Variants in CDC73 observed in about 807,000 individuals in gnomAD.
The protein encoded by CDC73 is parafibromin.
A neutral mutation model predicts 83.7 loss-of-function variants in CDC73; 21 were observed. That is an observed-to-expected ratio of 0.25 (90% CI 0.18 to 0.36). The LOEUF (loss-of-function observed/expected upper bound fraction) is 0.36. Among genes scored for constraint, CDC73 ranks in the 10% least tolerant of loss-of-function variants. The pLI is 1.00. For missense variants in CDC73, 342 were observed against 653.3 expected (o/e 0.52, Z 5.19); for synonymous variants, 224 against 212.9 (o/e 1.05, Z -0.45).
At chr1:193,134,290 A>G (rs1558281783) in intron 3 of CDC73, among the ~76,000 whole-genome samples, 1 of 152,156 alleles carries the variant, frequency 6.6e-6, no homozygotes, top group Non-Finnish European at 1.5e-5. Context: ...ACAACAGAAG[A>G]CTAAAATTGA....
intron 15 of CDC73, among the ~76,000 whole-genome samples, chr1:193,248,386 A>G (rs968181214): frequency 1.3e-5 from 2 of 152,134 alleles, no homozygotes; most frequent in African/African-American, 4.8e-5. Flanking sequence ...AAGAGCTTTG[A>G]TGAAGGTGTT....
chr1:193,208,089 CAT>C (rs1337454566), intron 11 of CDC73, among the ~76,000 whole-genome samples: 1 of 152,188 alleles, frequency 6.6e-6, no homozygotes. Flanking sequence ...TCTGCTTTTT[CAT>C]AGAGTGACAC....
At chr1:193,213,338 C>G (rs868350415) in intron 13 of CDC73, among the ~76,000 whole-genome samples, 20 of 149,380 alleles carry the variant, frequency 1.3e-4, no homozygotes, top group Non-Finnish European at 1.9e-4. Flanking sequence ...GTTTTTTAGA[C>G]ACAGTGTTGC....
At chr1:193,207,025 A>T (rs1677199285) in intron 11 of CDC73, among the ~76,000 whole-genome samples, 1 of 152,170 alleles carries the variant, frequency 6.6e-6, no homozygotes, top group Non-Finnish European at 1.5e-5. Flanking sequence ...CCAATATTTA[A>T]ATAGGTTCTT....
At chr1:193,125,384 A>G (rs79989112) in intron 2 of CDC73, among the ~76,000 whole-genome samples, 167 bp downstream of exon 2, 3 of 151,772 alleles carry the variant, frequency 2.0e-5, no homozygotes, top group Non-Finnish European at 2.9e-5. Flanking sequence ...TCTGCCTTCA[A>G]GTAGCCAGGA....
At chr1:193,180,886 TTA>T in intron 10 of CDC73, 2 of 1,613,926 alleles carry the variant, frequency 1.2e-6, no homozygotes, top group Non-Finnish European at 1.7e-6. Context: ...AATGGTCAAA[TTA>T]TAGTACGTAT....
At chr1:193,219,545 G>A (rs536446789) in intron 13 of CDC73, among the ~76,000 whole-genome samples, 38 of 152,226 alleles carry the variant, frequency 2.5e-4, no homozygotes, top group Non-Finnish European at 4.0e-4. Context: ...TACATGCCAC[G>A]GAATACTATG....
At chr1:193,151,026 G>T (rs139637944) in intron 9 of CDC73, among the ~76,000 whole-genome samples, 76 of 152,252 alleles carry the variant, frequency 5.0e-4, no homozygotes, top group African/African-American at 1.5e-3. Context: ...AACAAATTTT[G>T]AGCAATGATG....
At chr1:193,127,817 T>TC (rs1675605908) in intron 2 of CDC73, 1 of 118,384 alleles carries the variant, frequency 8.4e-6, no homozygotes, top group Non-Finnish European at 1.8e-5. Flanking sequence ...CGCAGACCAC[T>TC]CATTTTTTTT....
chr1:193,249,961 T>C, intron 16 of CDC73, 90 bp downstream of exon 16: 1 of 1,182,038 alleles, frequency 8.5e-7, no homozygotes, highest in Admixed American at 1.7e-5. Flanking sequence ...TTGTCAGTCT[T>C]ATTCCCTAAT....
chr1:193,217,457 G>C (rs1677389680), intron 13 of CDC73, among the ~76,000 whole-genome samples: 2 of 152,044 alleles, frequency 1.3e-5, no homozygotes, highest in Admixed American at 1.3e-4. Flanking sequence ...GAAAGGGGAT[G>C]GTTTTCCCCT....
Position 193,253,054 on chromosome 1 carries a change from C to T in CDC73, c.*2342C>T, listed in dbSNP as rs1204468637. The T allele has an allele frequency of 4.3e-6, 1 of 232,170 alleles. No homozygotes were observed. Among genetic ancestry groups the T allele is most frequent in the Middle Eastern group, 1.3e-3 (1 of 780 alleles). 14.4% of individuals were successfully genotyped at this position (232,170 alleles called of 1,614,324 possible). On this transcript the variant is annotated 3_prime_UTR_variant, in exon 17 of 17. Coordinates refer to ENST00000367435, the MANE Select transcript of CDC73 (RefSeq NM_024529.5). ...CATAAGTTACTGCTAACTGGAGATA[C>T]CCTTGTATGCCCAACCTGTAAAGGA... is the stretch of plus-strand genomic sequence containing the variant.
intron 13 of CDC73, among the ~76,000 whole-genome samples, chr1:193,227,120 G>T (rs1234970296): frequency 1.3e-5 from 2 of 151,980 alleles, no homozygotes; most frequent in African/African-American, 4.8e-5. Context: ...GTTCATAGTA[G>T]CCTTGAATGA....
chr1:193,249,944 C>T, intron 16 of CDC73, 73 bp downstream of exon 16: 1 of 1,426,308 alleles, frequency 7.0e-7, no homozygotes. Flanking sequence ...TTTTAAGTTC[C>T]ATAGAGTTGT....
chr1:193,170,143 C>T (rs1676495987), intron 10 of CDC73, among the ~76,000 whole-genome samples: 1 of 152,160 alleles, frequency 6.6e-6, no homozygotes, highest in Non-Finnish European at 1.5e-5. Flanking sequence ...TTTTTTATCA[C>T]TGCATAGTAT....
intron 10 of CDC73, among the ~76,000 whole-genome samples, chr1:193,202,605 T>C (rs921775692): frequency 1.4e-5 from 2 of 144,580 alleles, no homozygotes; most frequent in Non-Finnish European, 1.5e-5. Flanking sequence ...TTTGCTGTCC[T>C]CAGGTGTCTT....
At chr1:193,242,937 TTTCTTC>T (rs764891987) in intron 15 of CDC73, among the ~76,000 whole-genome samples, 13 of 151,858 alleles carry the variant, frequency 8.6e-5, no homozygotes, top group East Asian at 5.8e-4. Context: ...TTTATTTCTT[TTTCTTC>T]TTCTTCTTCT....
intron 10 of CDC73, among the ~76,000 whole-genome samples, chr1:193,197,927 C>CAAAAAAAAA (rs61392426): frequency 1.4e-5 from 1 of 73,234 alleles, no homozygotes. Context: ...ACCATCTCAC[C>CAAAAAAAAA]AAAAAAAAAA....
At chr1:193,173,991 G>A (rs572345272) in intron 10 of CDC73, among the ~76,000 whole-genome samples, 1 of 151,958 alleles carries the variant, frequency 6.6e-6, no homozygotes, top group South Asian at 2.1e-4. Flanking sequence ...ATAATACTGT[G>A]GTTTATCTGC....
Sources: allele counts gnomAD v4.1 joint callset (sites outside exome capture counted in the v4.1 genomes callset), GRCh38; gene constraint gnomAD v4.1.1; transcripts MANE v1.5; gene names NCBI Gene and HGNC (gene_info 2026-07-23, HGNC 2026-07-21).